CMIP: variants seen among roughly 807,000 people sequenced by gnomAD.
CMIP encodes the protein c-Maf inducing protein.
In CMIP, 13 loss-of-function variants were observed where a neutral mutation model predicts 97.3. The ratio of observed to expected loss-of-function variants is 0.13; its 90% CI spans 0.09 to 0.21. The LOEUF (loss-of-function observed/expected upper bound fraction) is 0.21, where lower values mean the gene tolerates loss of function less well. Among genes scored for constraint, CMIP ranks in the 10% least tolerant of loss-of-function variants. The pLI, the probability that CMIP is intolerant of heterozygous loss-of-function variation, is 1.00. For synonymous variants in CMIP, 538 were observed against 436.3 expected, an observed-to-expected ratio of 1.23 and a Z score of -2.91; for missense variants, 847 against 1,024.9, an observed-to-expected ratio of 0.83 and a Z score of 2.37.
chr16:81,626,021 C>G (rs545728833), intron 3 of CMIP, among the ~76,000 whole-genome samples: 42 of 152,318 alleles, frequency 2.8e-4, no homozygotes, highest in African/African-American at 9.4e-4. Flanking sequence ...CTGGGAAAAT[C>G]CCAGCCCAGC....
At chr16:81,649,419 G>T (rs1222635668) in intron 3 of CMIP, among the ~76,000 whole-genome samples, 3 of 152,270 alleles carry the variant, frequency 2.0e-5, no homozygotes, top group Admixed American at 1.3e-4. Context: ...CTATGCCTCA[G>T]ACTGGTTGCC....
intron 1 of CMIP, among the ~76,000 whole-genome samples, chr16:81,512,247 G>C (rs1309442486): frequency 1.3e-5 from 2 of 152,176 alleles, no homozygotes; most frequent in Non-Finnish European, 2.9e-5. Flanking sequence ...CTCTAGGTAG[G>C]TGTTTCTGTG....
In CMIP at chr16:81,610,307, G is replaced by A. The variant is rs1265814765; in HGVS notation, c.426+2615G>A. The A allele has an allele frequency of 9.1e-6, 9 of 985,516 alleles. No homozygotes were observed. In the South Asian group the frequency reaches 1.4e-4, roughly 15 times the overall value. 61.0% of individuals were successfully genotyped at this position (985,516 alleles called of 1,614,324 possible). A position where few individuals can be genotyped will look rare whatever the true frequency, so the allele number is the denominator to read the frequency against. On this transcript the variant is annotated intron_variant, in intron 2 of 20. Coordinates refer to ENST00000537098, the MANE Select transcript of CMIP (RefSeq NM_198390.3). ...AGGGCTTCAGGACAGAGCTGCCGCC[G>A]TGGTGCTGAGGAGCCGAGCGGGCGG... is the stretch of plus-strand genomic sequence containing the variant.
At chr16:81,629,071 G>A (rs2092115752) in intron 3 of CMIP, among the ~76,000 whole-genome samples, 1 of 147,122 alleles carries the variant, frequency 6.8e-6, no homozygotes, top group Admixed American at 6.8e-5. Flanking sequence ...GGGAGGCGGA[G>A]GTTGCAGTGA....
chr16:81,454,805 C>T (rs1420759966), intron 1 of CMIP, among the ~76,000 whole-genome samples: 1 of 152,084 alleles, frequency 6.6e-6, no homozygotes. Context: ...GGAAGAGACG[C>T]CATCATGGGG....
intron 1 of CMIP, among the ~76,000 whole-genome samples, chr16:81,462,460 C>G (rs750184360): frequency 3.3e-5 from 5 of 152,154 alleles, no homozygotes; most frequent in Non-Finnish European, 7.4e-5. Context: ...TGACGCTTCC[C>G]CAGCAGGAAA....
chr16:81,503,329 T>G (rs2089646575), intron 1 of CMIP, among the ~76,000 whole-genome samples: 1 of 152,142 alleles, frequency 6.6e-6, no homozygotes, highest in Non-Finnish European at 1.5e-5. Context: ...GTATGAGCAG[T>G]CAGTGTTATC....
intron 8 of CMIP, among the ~76,000 whole-genome samples, chr16:81,671,233 G>A (rs949302369): frequency 6.6e-5 from 10 of 152,206 alleles, no homozygotes; most frequent in Non-Finnish European, 1.3e-4. Context: ...GTTTGAGGTT[G>A]GCTTTGTGAC....
chr16:81,596,630 C>G (rs1377996524), intron 1 of CMIP, among the ~76,000 whole-genome samples: 1 of 152,090 alleles, frequency 6.6e-6, no homozygotes, highest in Non-Finnish European at 1.5e-5. Context: ...AGCCAGAATC[C>G]AGACCTAGAA....
intron 1 of CMIP, among the ~76,000 whole-genome samples, chr16:81,592,743 G>A (rs2091485396): frequency 6.6e-6 from 1 of 152,162 alleles, no homozygotes; most frequent in Admixed American, 6.5e-5. Context: ...ATGGAACTGG[G>A]GAGTCTTAGC....
chr16:81,683,915 C>G (rs1905133013), intron 10 of CMIP, among the ~76,000 whole-genome samples: 1 of 151,568 alleles, frequency 6.6e-6, no homozygotes, highest in South Asian at 2.1e-4. Context: ...CATCTACCGC[C>G]TAGCCCGGCT....
chr16:81,660,784 CATTT>C, intron 5 of CMIP, 96 bp from the exon 6 acceptor site: 1 of 1,255,434 alleles, frequency 8.0e-7, no homozygotes, highest in Non-Finnish European at 1.2e-6. Flanking sequence ...TGTTGCTCTG[CATTT>C]ATTTTTTTCA....
intron 10 of CMIP, among the ~76,000 whole-genome samples, chr16:81,689,281 A>G (rs9746591): frequency 0.13 from 19,607 of 152,228 alleles, 1,520 homozygotes; most frequent in African/African-American, 0.22. Flanking sequence ...CCAACAGTGT[A>G]AAAGTGTTCC....
intron 3 of CMIP, among the ~76,000 whole-genome samples, chr16:81,633,590 C>T (rs2092194731): frequency 6.6e-6 from 1 of 152,220 alleles, no homozygotes; most frequent in Non-Finnish European, 1.5e-5. Context: ...CTGTTGCCCA[C>T]ATTCTGCTCG....
chr16:81,605,884 ATGTC>A (rs1373250380), intron 1 of CMIP, among the ~76,000 whole-genome samples: 5 of 152,212 alleles, frequency 3.3e-5, no homozygotes, highest in Non-Finnish European at 5.9e-5. Flanking sequence ...AGTTCAGTAA[ATGTC>A]TGTCAGATGA....
chr16:81,476,330 C>G, intron 1 of CMIP: 2 of 1,461,792 alleles, frequency 1.4e-6, no homozygotes, highest in East Asian at 2.3e-5. Context: ...AAGTCACCAC[C>G]CTGATACATA....
intron 3 of CMIP, among the ~76,000 whole-genome samples, chr16:81,639,916 C>T (rs1191596598): frequency 1.3e-5 from 2 of 152,092 alleles, no homozygotes; most frequent in African/African-American, 4.8e-5. Flanking sequence ...AGCACAGGGC[C>T]CAGTACATAG....
intron 2 of CMIP, chr16:81,619,704 T>G (rs903387770): frequency 2.0e-5 from 3 of 152,210 alleles, no homozygotes; most frequent in Non-Finnish European, 4.4e-5. Flanking sequence ...GGGGTCAGAT[T>G]ACCTGGGTTC....
At chr16:81,517,345 C>G (rs186823525) in intron 1 of CMIP, among the ~76,000 whole-genome samples, 42 of 152,324 alleles carry the variant, frequency 2.8e-4, no homozygotes, top group African/African-American at 9.6e-4. Context: ...TACATTGATT[C>G]TGTGGAATAT....
Sources: gnomAD v4.1 joint callset for allele counts (sites outside exome capture counted in the v4.1 genomes callset) on GRCh38, gnomAD v4.1.1 for gene constraint, MANE v1.5 for transcripts, NCBI Gene and HGNC (gene_info 2026-07-23, HGNC 2026-07-21) for gene names.